Variants in SEMA5A observed in about 807,000 individuals in gnomAD.
SEMA5A encodes semaphorin-5A.
In SEMA5A, 55 loss-of-function variants were observed where a neutral mutation model predicts 135.5. That is an observed-to-expected ratio of 0.41 (90% confidence interval 0.33 to 0.51). SEMA5A has a LOEUF of 0.51. SEMA5A is among the 20% of genes least tolerant of loss of function. SEMA5A has a pLI of 0.37. For synonymous variants in SEMA5A, 580 were observed against 546.5 expected, an observed-to-expected ratio of 1.06 and a Z score of -0.85; for missense variants, 1,290 against 1,419.9, an observed-to-expected ratio of 0.91 and a Z score of 1.47.
intron 5 of SEMA5A, among the ~76,000 whole-genome samples, chr5:9,257,410 G>T (rs888678976): frequency 4.6e-5 from 7 of 151,546 alleles, no homozygotes; most frequent in Non-Finnish European, 8.8e-5. Flanking sequence ...AAGTGGAAAA[G>T]TAAAGCTCTA....
chr5:9,465,306 C>G (rs1759216729), intron 1 of SEMA5A, among the ~76,000 whole-genome samples: 1 of 152,190 alleles, frequency 6.6e-6, no homozygotes, highest in Non-Finnish European at 1.5e-5. Context: ...GTGACTTTCC[C>G]AAGGGCTGAA....
At chr5:9,542,885 A>T (rs1406099501) in intron 1 of SEMA5A, among the ~76,000 whole-genome samples, 1 of 152,196 alleles carries the variant, frequency 6.6e-6, no homozygotes, top group Non-Finnish European at 1.5e-5. Context: ...AGGGTTCATG[A>T]TCACTTGTCT....
At chr5:9,175,120 G>A (rs1744133436) in intron 11 of SEMA5A, among the ~76,000 whole-genome samples, 1 of 152,160 alleles carries the variant, frequency 6.6e-6, no homozygotes, top group African/African-American at 2.4e-5. Flanking sequence ...GCAAGTGGGG[G>A]TGTGGTAGAG....
intron 1 of SEMA5A, among the ~76,000 whole-genome samples, chr5:9,453,174 C>T (rs1464132030): frequency 6.6e-6 from 1 of 152,172 alleles, no homozygotes. Flanking sequence ...ACCTCATTAT[C>T]CAGAGATTAC....
chr5:9,223,871 T>C (rs1747146310), intron 8 of SEMA5A, among the ~76,000 whole-genome samples: 1 of 152,200 alleles, frequency 6.6e-6, no homozygotes, highest in South Asian at 2.1e-4. Flanking sequence ...ATTTGGATGG[T>C]TGTCACCATC....
chr5:9,320,304 T>A (rs1752571061), intron 4 of SEMA5A, among the ~76,000 whole-genome samples: 1 of 152,174 alleles, frequency 6.6e-6, no homozygotes, highest in African/African-American at 2.4e-5. Flanking sequence ...TGTCCTTTAT[T>A]ATAATGCTAC....
intron 8 of SEMA5A, among the ~76,000 whole-genome samples, chr5:9,220,674 G>C (rs1746894126): frequency 1.3e-5 from 2 of 152,210 alleles, no homozygotes; most frequent in Non-Finnish European, 2.9e-5. Flanking sequence ...AAGACCAGCG[G>C]AAGGAAAAGA....
intron 3 of SEMA5A, among the ~76,000 whole-genome samples, chr5:9,362,569 G>A (rs1010387513): frequency 1.3e-5 from 2 of 152,128 alleles, no homozygotes; most frequent in African/African-American, 4.8e-5. Context: ...AGGGAAGATA[G>A]GTAGTTTTAA....
At chr5:9,524,385 C>T (rs753394877) in intron 1 of SEMA5A, among the ~76,000 whole-genome samples, 4 of 152,048 alleles carry the variant, frequency 2.6e-5, no homozygotes, top group South Asian at 2.1e-4. Flanking sequence ...CTTCATAAAA[C>T]GGCCACATGA....
At chr5:9,193,330 A>T (rs1310556670) in intron 10 of SEMA5A, among the ~76,000 whole-genome samples, 1 of 152,270 alleles carries the variant, frequency 6.6e-6, no homozygotes, top group Admixed American at 6.5e-5. Context: ...CAATAAAAAT[A>T]GTAAAAGCAC....
At chr5:9,155,093 G>C (rs1324034444) in intron 11 of SEMA5A, among the ~76,000 whole-genome samples, 1 of 152,130 alleles carries the variant, frequency 6.6e-6, no homozygotes, top group African/African-American at 2.4e-5. Flanking sequence ...TTGGTGCCCA[G>C]CAGGGCAAGG....
intron 4 of SEMA5A, among the ~76,000 whole-genome samples, chr5:9,333,570 AC>A (rs1379954156): frequency 2.6e-5 from 4 of 152,192 alleles, no homozygotes; most frequent in Admixed American, 2.0e-4. Flanking sequence ...CTGCAGTGAA[AC>A]TTACACTTGT....
chr5:9,408,059 C>T (rs995248936), intron 2 of SEMA5A, among the ~76,000 whole-genome samples: 10 of 151,962 alleles, frequency 6.6e-5, no homozygotes, highest in African/African-American at 2.4e-4. Flanking sequence ...ACCATCACCA[C>T]TACCACCACA....
intron 1 of SEMA5A, among the ~76,000 whole-genome samples, chr5:9,503,605 C>T (rs1735704370): frequency 6.6e-6 from 1 of 152,154 alleles, no homozygotes; most frequent in South Asian, 2.1e-4. Flanking sequence ...TATGTAGCAT[C>T]CTAAAGTTGC....
chr5:9,483,230 C>A (rs1759943485), intron 1 of SEMA5A, among the ~76,000 whole-genome samples: 1 of 152,108 alleles, frequency 6.6e-6, no homozygotes, highest in Non-Finnish European at 1.5e-5. Flanking sequence ...TGTCTCCAAC[C>A]CTTTCCCATT....
chr5:9,107,131 T>C (rs755109735), intron 16 of SEMA5A, among the ~76,000 whole-genome samples: 1 of 152,190 alleles, frequency 6.6e-6, no homozygotes, highest in Non-Finnish European at 1.5e-5. Flanking sequence ...GAAAGATCAG[T>C]GAGGAAGCAA....
intron 4 of SEMA5A, among the ~76,000 whole-genome samples, chr5:9,324,186 A>C (rs1752767275): frequency 6.6e-6 from 1 of 151,852 alleles, no homozygotes; most frequent in South Asian, 2.1e-4. Context: ...CTCCTGCCTC[A>C]GCCTCCCGAG....
chr5:9,271,945 C>T (rs1749996382), intron 5 of SEMA5A, among the ~76,000 whole-genome samples: 1 of 152,146 alleles, frequency 6.6e-6, no homozygotes, highest in African/African-American at 2.4e-5. Flanking sequence ...GCTGTTTGAG[C>T]AGATACCAAG....
At chr5:9,316,281 A>T (rs1353224481) in intron 5 of SEMA5A, among the ~76,000 whole-genome samples, 1 of 152,176 alleles carries the variant, frequency 6.6e-6, no homozygotes, top group Non-Finnish European at 1.5e-5. Flanking sequence ...GTCTTATCTG[A>T]GTTCTCCTTG....
Sources: gnomAD v4.1 joint callset for allele counts (sites outside exome capture counted in the v4.1 genomes callset) on GRCh38, gnomAD v4.1.1 for gene constraint, MANE v1.5 for transcripts, NCBI Gene and HGNC (gene_info 2026-07-23, HGNC 2026-07-21) for gene names.